Variants in FOCAD observed in about 807,000 individuals in gnomAD.
The protein encoded by FOCAD is KIAA1797.
FOCAD carries 198 observed loss-of-function variants against 225.6 expected under a neutral mutation model. The ratio of observed to expected loss-of-function variants is 0.88; its 90% CI spans 0.78 to 0.99. The LOEUF (loss-of-function observed/expected upper bound fraction) is 0.99. FOCAD is among the 50% of genes least tolerant of loss of function. The probability of loss-of-function intolerance (pLI) is 0.00; values close to 1 mark genes in which losing one functional copy is unlikely to be tolerated. For missense variants in FOCAD, 2,713 were observed against 2,123.6 expected (o/e 1.28, Z -5.46); for synonymous variants, 897 against 755.0 (o/e 1.19, Z -3.08).
intron 11 of FOCAD, among the ~76,000 whole-genome samples, chr9:20,812,737 C>G (rs1430972871): frequency 6.6e-6 from 1 of 152,068 alleles, no homozygotes; most frequent in Non-Finnish European, 1.5e-5. Flanking sequence ...CTCCTATCCA[C>G]ATTTTGCCAT....
chr9:20,684,206 C>T (rs28362535), upstream of FOCAD: 20,546 of 152,388 alleles, frequency 0.13, 1,693 homozygotes, highest in Non-Finnish European at 0.19. Context: ...TTGGCTCTCT[C>T]CTGCAGTCCC....
At chr9:20,854,668 C>G (rs1434236050) in intron 15 of FOCAD, among the ~76,000 whole-genome samples, 1 of 151,670 alleles carries the variant, frequency 6.6e-6, no homozygotes, top group African/African-American at 2.4e-5. Flanking sequence ...TATCATTCTC[C>G]CCCAGCAACA....
intron 7 of FOCAD, among the ~76,000 whole-genome samples, chr9:20,765,799 C>G (rs952771361): frequency 6.6e-6 from 1 of 152,192 alleles, no homozygotes; most frequent in Non-Finnish European, 1.5e-5. Context: ...CAGTCCATCT[C>G]TTCCCATCAT....
intron 19 of FOCAD, among the ~76,000 whole-genome samples, 188 bp from the exon 20 acceptor site, chr9:20,881,683 G>T (rs1021369804): frequency 6.6e-6 from 1 of 152,032 alleles, no homozygotes; most frequent in South Asian, 2.1e-4. Flanking sequence ...TTAAGCTTGA[G>T]CAACTTGGTG....
intron 1 of FOCAD, among the ~76,000 whole-genome samples, chr9:20,711,821 G>T (rs1319512027): frequency 1.3e-5 from 2 of 152,228 alleles, no homozygotes; most frequent in African/African-American, 4.8e-5. Flanking sequence ...AGCTGTGGGA[G>T]AGTTTGTATG....
At chr9:20,714,853 C>T (rs1445511347) in intron 1 of FOCAD, among the ~76,000 whole-genome samples, 1 of 152,080 alleles carries the variant, frequency 6.6e-6, no homozygotes, top group Non-Finnish European at 1.5e-5. Context: ...CTTTTCTATA[C>T]TTCTTGAAAA....
intron 6 of FOCAD, among the ~76,000 whole-genome samples, chr9:20,758,611 C>A (rs541661539): frequency 6.7e-6 from 1 of 149,046 alleles, no homozygotes; most frequent in Non-Finnish European, 1.5e-5. Context: ...TGAGACTATG[C>A]GGTGTTTGGT....
chr9:20,905,411 A>G (rs962154791), intron 21 of FOCAD, among the ~76,000 whole-genome samples: 1 of 151,962 alleles, frequency 6.6e-6, no homozygotes, highest in East Asian at 1.9e-4. Context: ...CATTTGTGAG[A>G]CCATTGTCTT....
chr9:20,748,321 A>T (rs1828243431), intron 5 of FOCAD, among the ~76,000 whole-genome samples: 1 of 152,052 alleles, frequency 6.6e-6, no homozygotes, highest in Non-Finnish European at 1.5e-5. Flanking sequence ...TGGTCTTTAT[A>T]GTTTTTTTGA....
intron 22 of FOCAD, 61 bp from the exon 23 acceptor site, chr9:20,912,805 A>C (rs1373579513): frequency 1.4e-6 from 2 of 1,395,026 alleles, no homozygotes; most frequent in Non-Finnish European, 2.0e-6. Flanking sequence ...TTTTCCAAAG[A>C]AATTTTAAGA....
At chr9:20,915,544 A>G (rs1833798338) in intron 23 of FOCAD, among the ~76,000 whole-genome samples, 1 of 152,154 alleles carries the variant, frequency 6.6e-6, no homozygotes, top group Non-Finnish European at 1.5e-5. Context: ...TCATGACAGG[A>G]GCTCTTTTGG....
intron 15 of FOCAD, among the ~76,000 whole-genome samples, chr9:20,858,435 G>A (rs1828429467): frequency 6.6e-6 from 1 of 151,876 alleles, no homozygotes; most frequent in Non-Finnish European, 1.5e-5. Flanking sequence ...TGTATTTTGT[G>A]AATGTTTTTT....
intron 10 of FOCAD, among the ~76,000 whole-genome samples, chr9:20,788,741 T>C (rs1820208114): frequency 2.0e-5 from 3 of 152,240 alleles, no homozygotes; most frequent in Admixed American, 2.0e-4. Context: ...GCTTTATTTC[T>C]GTGAGGAGCC....
Position 20,745,769 on chromosome 9 carries a change from G to A in FOCAD, c.392+5429G>A, listed in dbSNP as rs79907803. Among the ~76,000 whole-genome samples the A allele has an allele frequency of 2.5e-3, 386 of 152,256 alleles. 10 individuals carry two copies. The East Asian group carries it at 0.032, about 12-fold the overall frequency. On this transcript the variant is annotated intron_variant, in intron 5 of 43. Transcript: ENST00000338382. ...AGAATCTTATTTGTGGGAAGGTTTG[G>A]TCTGGTAAACATGAAGCTGTACTTT...
chr9:20,781,088 G>C (rs1172970158), intron 9 of FOCAD, among the ~76,000 whole-genome samples: 4 of 152,124 alleles, frequency 2.6e-5, no homozygotes, highest in African/African-American at 9.7e-5. Context: ...TGTGAAAAAA[G>C]TATATTTATG....
intron 2 of FOCAD, among the ~76,000 whole-genome samples, chr9:20,675,302 C>T (rs1401832290): frequency 6.6e-6 from 1 of 152,108 alleles, no homozygotes. Flanking sequence ...ATAGTTTTTA[C>T]ATAAAAATAT....
Position 20,986,361 on chromosome 9 carries a change from C to T in FOCAD, c.4802C>T (p.Thr1601Ile). Residue 1601 changes from threonine (T) to isoleucine (I), a missense_variant, in exon 40 of 44, where the codon ACC (threonine) becomes ATC (isoleucine). By Grantham distance (89) the Thr-to-Ile change is moderately conservative. Coordinates refer to ENST00000338382, the MANE Select transcript of FOCAD (RefSeq NM_001375567.1). ...GGACGATTCCCCTTGGTGAACCTGA[C>T]CGATATGCTGAGCGTTGCTGTGCAG... ...SQGRFPLVNL[T>I]DMLSVAVQHR... The T allele has an allele frequency of 1.3e-6, 2 of 1,594,136 alleles. No individual in the cohort carries two copies. Among genetic ancestry groups the T allele is most frequent in the Non-Finnish European group, 1.7e-6 (2 of 1,171,510 alleles).
At chr9:20,885,072 T>C in intron 20 of FOCAD, 37 bp from the exon 21 acceptor site, 1 of 1,221,848 alleles carries the variant, frequency 8.2e-7, no homozygotes, top group Non-Finnish European at 1.1e-6. Context: ...AAAATAAAAA[T>C]AAAAATAAAA....
At chr9:20,682,405 G>A (rs1563872630), upstream of FOCAD, among the ~76,000 whole-genome samples, 1 of 152,182 alleles carries the variant, frequency 6.6e-6, no homozygotes, top group Non-Finnish European at 1.5e-5. Context: ...TTTTGGCCTG[G>A]CCATTAGGTA....
Sources: allele counts gnomAD v4.1 joint callset (sites outside exome capture counted in the v4.1 genomes callset), GRCh38; gene constraint gnomAD v4.1.1; transcripts MANE v1.5; gene names NCBI Gene and HGNC (gene_info 2026-07-23, HGNC 2026-07-21).